Variants in NEGR1 observed in about 807,000 individuals in gnomAD.
NEGR1 encodes IgLON family member 4.
In NEGR1, 10 loss-of-function variants were observed where a neutral mutation model predicts 40.9. The ratio of observed to expected loss-of-function variants is 0.24; its 90% CI spans 0.15 to 0.42. NEGR1 has a LOEUF of 0.42. Ranked by LOEUF, NEGR1 falls within the 10% of genes least tolerant of loss-of-function variation. The pLI, the probability that NEGR1 is intolerant of heterozygous loss-of-function variation, is 1.00. For synonymous variants in NEGR1, 185 were observed against 166.8 expected (o/e 1.11, Z -0.84); for missense variants, 352 against 438.9 (o/e 0.80, Z 1.77).
chr1:71,879,660 A>G (rs908622138), intron 2 of NEGR1, among the ~76,000 whole-genome samples: 3 of 152,182 alleles, frequency 2.0e-5, no homozygotes, highest in African/African-American at 2.4e-5. Context: ...TTTTTTCTCT[A>G]TGAAAAACAA....
chr1:72,133,794 T>C (rs1023538743), intron 1 of NEGR1, among the ~76,000 whole-genome samples: 1 of 151,548 alleles, frequency 6.6e-6, no homozygotes, highest in Non-Finnish European at 1.5e-5. Context: ...ATATATTATA[T>C]TTCAGTCATA....
At chr1:71,576,276 C>A (rs543667740) in intron 6 of NEGR1, among the ~76,000 whole-genome samples, 7 of 152,024 alleles carry the variant, frequency 4.6e-5, no homozygotes, top group Non-Finnish European at 8.8e-5. Context: ...TGTTGTTGTT[C>A]TCCTCTTCTC....
intron 1 of NEGR1, among the ~76,000 whole-genome samples, chr1:71,993,865 A>G (rs1459377479): frequency 6.6e-6 from 1 of 152,142 alleles, no homozygotes; most frequent in Non-Finnish European, 1.5e-5. Context: ...TACTTGAGAG[A>G]GTAACCCTGG....
chr1:72,028,117 T>C (rs1274777538), intron 1 of NEGR1, among the ~76,000 whole-genome samples: 1 of 152,210 alleles, frequency 6.6e-6, no homozygotes, highest in Non-Finnish European at 1.5e-5. Context: ...ACCAATTATC[T>C]TGAAGTCTTC....
intron 4 of NEGR1, among the ~76,000 whole-genome samples, chr1:71,677,528 A>G (rs1024998357): frequency 2.1e-4 from 32 of 152,200 alleles, no homozygotes; most frequent in African/African-American, 7.2e-4. Context: ...TTACAGCCAC[A>G]AAAGAGCAAA....
intron 1 of NEGR1, among the ~76,000 whole-genome samples, chr1:72,220,108 A>G (rs534108965): frequency 6.6e-6 from 1 of 152,120 alleles, no homozygotes; most frequent in South Asian, 2.1e-4. Flanking sequence ...TTTACTAATA[A>G]ACTCACATTA....
At chr1:72,034,669 T>C (rs1646887254) in intron 1 of NEGR1, among the ~76,000 whole-genome samples, 1 of 152,202 alleles carries the variant, frequency 6.6e-6, no homozygotes, top group Non-Finnish European at 1.5e-5. Context: ...AAAAGGCCTT[T>C]GCATTCTCTG....
At chr1:72,244,938 G>C (rs1474118113) in intron 1 of NEGR1, among the ~76,000 whole-genome samples, 1 of 151,698 alleles carries the variant, frequency 6.6e-6, no homozygotes, top group African/African-American at 2.4e-5. Context: ...ATAATGTTTG[G>C]GGCCATTGTA....
chr1:71,621,618 A>G (rs1472882179), intron 4 of NEGR1, among the ~76,000 whole-genome samples: 1 of 151,854 alleles, frequency 6.6e-6, no homozygotes, highest in African/African-American at 2.4e-5. Context: ...TTATTTGGTA[A>G]AAAAATTTTC....
chr1:72,096,647 C>CTATTA (rs1648709308), intron 1 of NEGR1, among the ~76,000 whole-genome samples: 1 of 149,254 alleles, frequency 6.7e-6, no homozygotes, highest in African/African-American at 2.5e-5. Flanking sequence ...GTATCTTTTA[C>CTATTA]TTTTATTTTA....
intron 6 of NEGR1, among the ~76,000 whole-genome samples, chr1:71,428,396 C>T (rs769289028): frequency 6.6e-6 from 1 of 152,166 alleles, no homozygotes; most frequent in Non-Finnish European, 1.5e-5. Context: ...CAAATAAAAA[C>T]TCACATTCAT....
intron 1 of NEGR1, among the ~76,000 whole-genome samples, chr1:72,108,484 A>G (rs930381254): frequency 2.0e-5 from 3 of 151,622 alleles, no homozygotes; most frequent in Non-Finnish European, 4.4e-5. Flanking sequence ...TATAGTTTAT[A>G]ACATAACCCT....
intron 3 of NEGR1, among the ~76,000 whole-genome samples, chr1:71,709,551 C>G (rs1003174155): frequency 2.0e-5 from 3 of 151,934 alleles, no homozygotes. Context: ...AATAGAGAAC[C>G]CAGAAACAAA....
chr1:71,771,363 G>T (rs1387986927), intron 3 of NEGR1, among the ~76,000 whole-genome samples: 2 of 151,850 alleles, frequency 1.3e-5, no homozygotes, highest in Non-Finnish European at 2.9e-5. Context: ...TGGGTTGATG[G>T]GTGCAGCAAA....
chr1:71,932,676 A>C (rs1424260000), intron 2 of NEGR1, among the ~76,000 whole-genome samples: 2 of 152,100 alleles, frequency 1.3e-5, no homozygotes, highest in Non-Finnish European at 2.9e-5. Flanking sequence ...TGTATGTTTG[A>C]CATCAGTGAT....
intron 6 of NEGR1, among the ~76,000 whole-genome samples, chr1:71,464,442 G>A (rs1646732846): frequency 6.6e-6 from 1 of 151,922 alleles, no homozygotes; most frequent in African/African-American, 2.4e-5. Context: ...ATAAAGAGAA[G>A]CAACAAACAA....
chr1:71,569,623 C>T (rs558781027), intron 6 of NEGR1, among the ~76,000 whole-genome samples: 1 of 152,238 alleles, frequency 6.6e-6, no homozygotes, highest in African/African-American at 2.4e-5. Context: ...CATGACAATT[C>T]AGTTTTGTTG....
At chr1:72,037,251 AATAAAGCTT>A (rs1646911468) in intron 1 of NEGR1, among the ~76,000 whole-genome samples, 1 of 152,214 alleles carries the variant, frequency 6.6e-6, no homozygotes, top group Admixed American at 6.5e-5. Flanking sequence ...AAAAATTAAA[AATAAAGCTT>A]AAGACCATGT....
chr1:71,741,019 G>A (rs1359136970), intron 3 of NEGR1, among the ~76,000 whole-genome samples: 1 of 152,118 alleles, frequency 6.6e-6, no homozygotes, highest in Non-Finnish European at 1.5e-5. Context: ...TCAGAAAATG[G>A]GAATGAGTTT....
Sources: allele counts gnomAD v4.1 joint callset (sites outside exome capture counted in the v4.1 genomes callset), GRCh38; gene constraint gnomAD v4.1.1; transcripts MANE v1.5; gene names NCBI Gene and HGNC (gene_info 2026-07-23, HGNC 2026-07-21).